Variants in SNTG2 observed in about 807,000 individuals in gnomAD.
SNTG2 encodes the protein syntrophin gamma 2.
A neutral mutation model predicts 70.9 loss-of-function variants in SNTG2; 74 were observed. The ratio of observed to expected loss-of-function variants is 1.04; its 90% CI spans 0.86 to 1.27. SNTG2 has a LOEUF of 1.27. Ranked by LOEUF, SNTG2 falls within the 50% of genes most tolerant of loss-of-function variation. SNTG2 has a pLI of 0.00. For synonymous variants in SNTG2, 278 were observed against 273.8 expected, an observed-to-expected ratio of 1.02 and a Z score of -0.15; for missense variants, 717 against 690.7, an observed-to-expected ratio of 1.04 and a Z score of -0.43.
chr2:1,147,070 G>A (rs972778323), intron 6 of SNTG2, among the ~76,000 whole-genome samples: 3 of 152,154 alleles, frequency 2.0e-5, no homozygotes, highest in African/African-American at 7.2e-5. Context: ...TTATATAATA[G>A]CATTTGAGTT....
intron 14 of SNTG2, among the ~76,000 whole-genome samples, chr2:1,307,615 C>T (rs956499238): frequency 6.6e-6 from 1 of 152,100 alleles, no homozygotes; most frequent in Non-Finnish European, 1.5e-5. Context: ...GCAATGGCTC[C>T]GCTTCTCTTC....
chr2:1,073,550 C>G (rs1465591161), intron 1 of SNTG2, among the ~76,000 whole-genome samples: 2 of 152,042 alleles, frequency 1.3e-5, no homozygotes, highest in African/African-American at 4.8e-5. Context: ...ACTGGGAAAC[C>G]AAAAAACTGT....
rs548635189 is a variant in SNTG2 at position 974,866 on chromosome 2, A to G, written c.72+23798A>G. On this transcript the variant is annotated intron_variant, in intron 1 of 16. Coordinates refer to ENST00000308624, the MANE Select transcript of SNTG2 (RefSeq NM_018968.4). ...ATTCTCTGTGGTTAGGGTAGACACTATGCCTTCTCATGGCTTTATGTATTC... is the reference window on the plus strand; with the variant it reads ...ATTCTCTGTGGTTAGGGTAGACACTGTGCCTTCTCATGGCTTTATGTATTC... Among the ~76,000 whole-genome samples the G allele has an allele frequency of 5.3e-5, 8 of 152,308 alleles. No individual in the cohort carries two copies. In the South Asian group the frequency reaches 8.3e-4, roughly 16 times the overall value.
rs553266211 is a variant in SNTG2 at position 1,082,476 on chromosome 2, G to A, written c.73-1042G>A. Among the ~76,000 whole-genome samples, 682 of 152,268 alleles carry A rather than the reference G, an allele frequency of 4.5e-3. 6 individuals are homozygous for A. Among genetic ancestry groups the A allele is most frequent in the African/African-American group, 0.015 (636 of 41,554 alleles). On this transcript the variant is annotated intron_variant, in intron 1 of 16. Coordinates refer to ENST00000308624, the MANE Select transcript of SNTG2 (RefSeq NM_018968.4). Reference sequence around the variant, plus strand: ...TTCACACGTGGGGACCTCCCCGTCCGTGGGCCAGGCTCTGCCCTCATGTAT... The same window carrying A: ...TTCACACGTGGGGACCTCCCCGTCCATGGGCCAGGCTCTGCCCTCATGTAT...
chr2:1,262,007 A>G (rs1233377715), intron 13 of SNTG2, among the ~76,000 whole-genome samples: 3 of 152,172 alleles, frequency 2.0e-5, no homozygotes, highest in Non-Finnish European at 4.4e-5. Flanking sequence ...TTCTCCACGG[A>G]TCTTCGGGGT....
chr2:1,271,098 A>G (rs758057778), intron 14 of SNTG2, among the ~76,000 whole-genome samples: 1 of 152,174 alleles, frequency 6.6e-6, no homozygotes, highest in Non-Finnish European at 1.5e-5. Flanking sequence ...TGACTGCCTT[A>G]TCAACATTAT....
chr2:1,287,340 C>T (rs552632303), intron 14 of SNTG2, among the ~76,000 whole-genome samples: 1 of 152,340 alleles, frequency 6.6e-6, no homozygotes, highest in Admixed American at 6.5e-5. Context: ...GCAGCGGGTG[C>T]TCCTTTGTCT....
At chr2:1,234,195 C>T (rs1054487132) in intron 9 of SNTG2, among the ~76,000 whole-genome samples, 2 of 152,186 alleles carry the variant, frequency 1.3e-5, no homozygotes, top group African/African-American at 2.4e-5. Flanking sequence ...CTGGAAGAAG[C>T]GGCTCCTGAT....
chr2:1,158,426 T>TG (rs1214757001), intron 6 of SNTG2: 1 of 152,222 alleles, frequency 6.6e-6, no homozygotes, highest in East Asian at 1.9e-4. Context: ...GGGGAGGAGA[T>TG]GCAGAGGAGA....
chr2:1,262,407 A>T (rs754342930), intron 13 of SNTG2, among the ~76,000 whole-genome samples: 1 of 152,202 alleles, frequency 6.6e-6, no homozygotes, highest in Non-Finnish European at 1.5e-5. Flanking sequence ...TTTTGAAGGG[A>T]CAGCTCCCAG....
intron 16 of SNTG2, among the ~76,000 whole-genome samples, chr2:1,325,737 G>C (rs1260412718): frequency 6.6e-6 from 1 of 152,162 alleles, no homozygotes; most frequent in Admixed American, 6.5e-5. Context: ...GAATAGCCAT[G>C]GTTAAAGACT....
At chr2:1,126,505 T>C (rs955185976) in intron 4 of SNTG2, among the ~76,000 whole-genome samples, 6 of 151,640 alleles carry the variant, frequency 4.0e-5, no homozygotes, top group Admixed American at 6.6e-5. Context: ...AAGTGGCAGG[T>C]TTGCCAGAAT....
chr2:1,122,676 A>T (rs28776240), intron 4 of SNTG2, among the ~76,000 whole-genome samples: 1 of 148,904 alleles, frequency 6.7e-6, no homozygotes, highest in South Asian at 2.1e-4. Context: ...AGTCTTGCCG[A>T]TTTTATTCAA....
intron 6 of SNTG2, among the ~76,000 whole-genome samples, chr2:1,162,870 A>G (rs181541351): frequency 6.6e-6 from 1 of 152,252 alleles, no homozygotes; most frequent in Non-Finnish European, 1.5e-5. Context: ...TTTCACAGTC[A>G]CTTTGTACTG....
At chr2:1,044,503 T>TC (rs1417619801) in intron 1 of SNTG2, among the ~76,000 whole-genome samples, 2 of 152,216 alleles carry the variant, frequency 1.3e-5, no homozygotes, top group African/African-American at 2.4e-5. Context: ...TTTTGCTCAT[T>TC]CAGTGTGTTG....
intron 9 of SNTG2, among the ~76,000 whole-genome samples, chr2:1,236,988 G>A (rs1676702775): frequency 6.6e-6 from 1 of 150,750 alleles, no homozygotes; most frequent in Non-Finnish European, 1.5e-5. Flanking sequence ...TGTTGCCCAG[G>A]CTGGAGTGCA....
At chr2:1,048,145 A>T (rs1661845752) in intron 1 of SNTG2, among the ~76,000 whole-genome samples, 1 of 151,976 alleles carries the variant, frequency 6.6e-6, no homozygotes, top group African/African-American at 2.4e-5. Context: ...AGTCATTCGC[A>T]TTGTCTCTTT....
At chr2:1,110,351 A>G (rs574810399) in intron 4 of SNTG2, among the ~76,000 whole-genome samples, 31 of 152,218 alleles carry the variant, frequency 2.0e-4, no homozygotes, top group African/African-American at 7.2e-4. Context: ...TTCACCTGTT[A>G]TTGGTGTCTT....
At chr2:1,212,117 C>T (rs768947614) in intron 9 of SNTG2, among the ~76,000 whole-genome samples, 1 of 152,286 alleles carries the variant, frequency 6.6e-6, no homozygotes. Context: ...GAAATGTATT[C>T]CCCAGTGTTG....
Sources: gnomAD v4.1 joint callset for allele counts (sites outside exome capture counted in the v4.1 genomes callset) on GRCh38, gnomAD v4.1.1 for gene constraint, MANE v1.5 for transcripts, NCBI Gene and HGNC (gene_info 2026-07-23, HGNC 2026-07-21) for gene names.